CYFIP2: variants seen among roughly 807,000 people sequenced by gnomAD.
CYFIP2 encodes cytoplasmic FMR1-interacting protein 2.
CYFIP2 carries 29 observed loss-of-function variants against 158.7 expected under a neutral mutation model. The observed-to-expected ratio is 0.18, with a 90% CI of 0.14 to 0.25. The LOEUF is 0.25. CYFIP2 is among the 10% of genes least tolerant of loss of function. The pLI, the probability that CYFIP2 is intolerant of heterozygous loss-of-function variation, is 1.00. For missense variants in CYFIP2, 852 were observed against 1,639.5 expected (o/e 0.52, Z 8.29); for synonymous variants, 585 against 617.6 (o/e 0.95, Z 0.78).
At chr5:157,339,018 A>G (rs1161628951) in intron 21 of CYFIP2, 39 bp from the exon 22 acceptor site, 2 of 1,569,144 alleles carry the variant, frequency 1.3e-6, no homozygotes, top group East Asian at 2.3e-5. Flanking sequence ...AATGCTTACA[A>G]GCAAGTCCTC....
chr5:157,337,250 T>C (rs2113216667), intron 21 of CYFIP2, among the ~76,000 whole-genome samples: 1 of 152,332 alleles, frequency 6.6e-6, no homozygotes, highest in East Asian at 1.9e-4. Flanking sequence ...CTTCATTTAC[T>C]TCATGGTACA....
intron 8 of CYFIP2, chr5:157,304,925 A>G (rs1759088388): frequency 6.6e-6 from 1 of 152,162 alleles, no homozygotes; most frequent in Admixed American, 6.5e-5. Flanking sequence ...CTTTTCCCCA[A>G]TTCTCCAAAG....
chr5:157,325,000 T>C (rs1311469559), intron 16 of CYFIP2: 1 of 151,862 alleles, frequency 6.6e-6, no homozygotes, highest in Non-Finnish European at 1.5e-5. Flanking sequence ...TTATTATTAT[T>C]ATTATTTTTT....
At chr5:157,285,079 G>A (rs972503886) in intron 1 of CYFIP2, among the ~76,000 whole-genome samples, 2 of 152,088 alleles carry the variant, frequency 1.3e-5, no homozygotes, top group Non-Finnish European at 2.9e-5. Context: ...ATATGGATAG[G>A]GTACCACCTT....
intron 24 of CYFIP2, 87 bp from the exon 25 acceptor site, chr5:157,360,195 C>A: frequency 1.8e-6 from 2 of 1,089,642 alleles, no homozygotes; most frequent in Non-Finnish European, 2.7e-6. Context: ...CAAGAGCCTG[C>A]CCCATCCTCT....
At chr5:157,349,126 G>GT (rs375899027) in intron 23 of CYFIP2, among the ~76,000 whole-genome samples, 33 of 151,944 alleles carry the variant, frequency 2.2e-4, no homozygotes, top group Middle Eastern at 3.4e-3. Context: ...ACTTATTTCA[G>GT]TTTTTTTTAT....
chr5:157,341,077 C>T lies in CYFIP2; in HGVS notation c.2593C>T (p.Arg865Trp), dbSNP rs867115883. The change falls in exon 23 of 31, where the codon CGG becomes TGG. Residue 865 changes from arginine to tryptophan, a missense_variant. Physicochemically the swap from Arg to Trp is moderately radical, Grantham distance 101. Around this residue, in one of 8 missense-constraint regions of CYFIP2, gnomAD observed 191 missense variants for 311.2 expected, o/e 0.61. Transcript: ENST00000620254. ...CYNGSTNRFV[R>W]TAIPFTQEPQ... The stretch of plus-strand genomic sequence containing the variant: ...TCCCTATGCTTCTACTAGTTTTGTG[C>T]GGACTGCCATTCCTTTCACCCAAGA... The T allele has an allele frequency of 6.2e-7, 1 of 1,613,768 alleles. No individual in the cohort carries two copies. Among genetic ancestry groups the T allele is most frequent in the Admixed American group, 1.7e-5 (1 of 60,016 alleles).
Position 157,275,909 on chromosome 5 carries a change from A to G in CYFIP2, c.-23-9430A>G, listed in dbSNP as rs540916468. On this transcript the variant is annotated intron_variant, in intron 1 of 30. Transcript: ENST00000620254. The stretch of plus-strand genomic sequence containing the variant: ...TAAGTATTGTATTATTTTTGATGCT[A>G]CTATAAATAGAACTGTTTTCTCCAT... Among the ~76,000 whole-genome samples, 7 of 152,316 alleles carry G rather than the reference A, an allele frequency of 4.6e-5. No individual in the cohort carries two copies. The East Asian group carries it at 1.3e-3, about 29-fold the overall frequency.
chr5:157,296,593 C>T, intron 4 of CYFIP2, 80 bp from the exon 5 acceptor site: 1 of 1,380,916 alleles, frequency 7.2e-7, no homozygotes, highest in Non-Finnish European at 1.0e-6. Context: ...GACCCTGTCT[C>T]AAAAACAAAA....
In CYFIP2 at chr5:157,286,523, A is replaced by G. The variant is rs370606743; in HGVS notation, c.118-496A>G. On this transcript the variant is annotated intron_variant, in intron 2 of 30. Transcript: ENST00000620254. ...AGGCTTAGCCACCTCATGGTACTTA[A>G]AAGTCCATTTATGGATATGCTATTT... Among the ~76,000 whole-genome samples, 51 of 147,064 alleles carry G rather than the reference A, an allele frequency of 3.5e-4. 1 individual carries two copies. In the East Asian group the frequency reaches 9.5e-3, roughly 27 times the overall value.
At chr5:157,294,704 C>A in intron 3 of CYFIP2, 79 bp from the exon 4 acceptor site, 1 of 1,170,136 alleles carries the variant, frequency 8.5e-7, no homozygotes, top group Non-Finnish European at 1.3e-6. Context: ...CATACCATAA[C>A]TAGTGAGGAT....
intron 30 of CYFIP2, among the ~76,000 whole-genome samples, chr5:157,392,021 T>C (rs1424684577): frequency 6.6e-6 from 1 of 152,228 alleles, no homozygotes; most frequent in Non-Finnish European, 1.5e-5. Context: ...CTGTCACTGC[T>C]GAGTGCTATA....
intron 1 of CYFIP2, among the ~76,000 whole-genome samples, chr5:157,280,003 C>G: frequency 6.6e-6 from 1 of 152,228 alleles, no homozygotes; most frequent in East Asian, 1.9e-4. Flanking sequence ...ACTGAATGAT[C>G]TACCAATGCT....
intron 28 of CYFIP2, among the ~76,000 whole-genome samples, chr5:157,388,831 C>T (rs1766964391): frequency 6.6e-6 from 1 of 152,162 alleles, no homozygotes; most frequent in Admixed American, 6.5e-5. Context: ...TGCTTTATTA[C>T]CCACACTCAG....
chr5:157,386,001 C>T (rs569933606), intron 28 of CYFIP2, among the ~76,000 whole-genome samples: 51 of 152,064 alleles, frequency 3.4e-4, no homozygotes, highest in African/African-American at 1.0e-3. Context: ...TTGCAGGAAG[C>T]GAGCTATAAA....
chr5:157,303,047 GTC>G, intron 7 of CYFIP2, 157 bp downstream of exon 7: 1 of 610,776 alleles, frequency 1.6e-6, no homozygotes, highest in Non-Finnish European at 2.9e-6. Context: ...GAGGACTTAA[GTC>G]TGTCCTCCCA....
At chr5:157,314,291 A>G in intron 11 of CYFIP2, 53 bp from the exon 12 acceptor site, 1 of 1,590,618 alleles carries the variant, frequency 6.3e-7, no homozygotes, top group South Asian at 1.1e-5. Context: ...ATGAGATAAC[A>G]TATAAAAGTG....
At chr5:157,337,370 C>T (rs545947251) in intron 21 of CYFIP2, among the ~76,000 whole-genome samples, 6 of 152,274 alleles carry the variant, frequency 3.9e-5, no homozygotes, top group East Asian at 1.9e-4. Context: ...AACATGGCAG[C>T]GGTCAGACGG....
intron 15 of CYFIP2, chr5:157,323,086 G>C (rs920248910): frequency 1.6e-4 from 223 of 1,363,090 alleles, no homozygotes; most frequent in Non-Finnish European, 2.2e-4. Context: ...GACTAGCCTG[G>C]CTCCTCAAGG....
Sources: gnomAD v4.1 joint callset for allele counts (sites outside exome capture counted in the v4.1 genomes callset) on GRCh38, gnomAD v4.1.1 for gene constraint, gnomAD v4.1.1 regional missense constraint, MANE v1.5 for transcripts, NCBI Gene and HGNC (gene_info 2026-07-23, HGNC 2026-07-21) for gene names.